Variants in AAK1 observed in about 807,000 individuals in gnomAD.
AAK1 encodes AP2 associated kinase 1.
Under a neutral mutation model 116.0 loss-of-function variants are expected in AAK1, and 37 were observed. That is an observed-to-expected ratio of 0.32 (90% CI 0.25 to 0.42). The LOEUF is 0.42. Among genes scored for constraint, AAK1 ranks in the 10% least tolerant of loss-of-function variants. AAK1 has a pLI of 1.00. For synonymous variants in AAK1, 458 were observed against 439.9 expected (o/e 1.04, Z -0.51); for missense variants, 919 against 1,170.6 (o/e 0.79, Z 3.14).
rs770061607 is a variant in AAK1 at position 69,643,073 on chromosome 2, G to A, written c.-33C>T. The A allele has an allele frequency of 4.7e-5, 68 of 1,461,930 alleles. No homozygotes were observed. Among genetic ancestry groups the A allele is most frequent in the South Asian group, 4.6e-4 (34 of 74,640 alleles). The allele number at this position is 1,461,930 out of a possible 1,614,324, so 90.6% of individuals were successfully genotyped here. ...ATAGGGAGCAGCAAAGCAAAATACCGATGGTTTCTAGATTTTTTTTTTTTT... is the reference window on the plus strand; with the variant it reads ...ATAGGGAGCAGCAAAGCAAAATACCAATGGTTTCTAGATTTTTTTTTTTTT... On this transcript the variant is annotated 5_prime_UTR_variant, in exon 2 of 22. Coordinates refer to ENST00000409085, the MANE Select transcript of AAK1 (RefSeq NM_014911.5).
In AAK1 at chr2:69,472,078, T is replaced by A. The variant is rs1674700985; in HGVS notation, c.*3791A>T. The stretch of plus-strand genomic sequence containing the variant: ...GTGTTTTAATACCCATATCTTTCAA[T>A]GTTTTAAACCATTCTAAAGACTAAG... On this transcript the variant is annotated 3_prime_UTR_variant, in exon 22 of 22. Transcript: ENST00000409085. 1.0e-6 allele frequency: 1 copy of A among 984,962 alleles called. No homozygotes were observed. The highest frequency in any genetic ancestry group is 1.7e-5 in the African/African-American group (1 of 57,228). The allele number at this position is 984,962 out of a possible 1,614,324, so 61.0% of individuals were successfully genotyped here. A position where few individuals can be genotyped will look rare whatever the true frequency, so the allele number is the denominator to read the frequency against.
intron 2 of AAK1, among the ~76,000 whole-genome samples, chr2:69,573,395 C>T (rs374836363): frequency 9.8e-5 from 15 of 152,292 alleles, no homozygotes; most frequent in African/African-American, 3.6e-4. Context: ...TGAAGAAGAA[C>T]AGGGAATCCC....
At chr2:69,568,915 A>C (rs1671985862) in intron 2 of AAK1, among the ~76,000 whole-genome samples, 1 of 152,160 alleles carries the variant, frequency 6.6e-6, no homozygotes, top group African/African-American at 2.4e-5. Context: ...AGGACTGGGC[A>C]CCAGCTCACA....
rs574443722 is a variant in AAK1 at position 69,567,722 on chromosome 2, C to G, written c.164-10744G>C. ...AAACCCTGCACTGCTCAGCCTGGCA[C>G]AACTGAGCAGTGTGAGACAGGACTG... On this transcript the variant is annotated intron_variant, in intron 2 of 21. Transcript: ENST00000409085. 9.9e-5 allele frequency among the ~76,000 whole-genome samples: 15 copies of G among 152,274 alleles called. No individual in the cohort carries two copies. In the South Asian group the frequency reaches 2.3e-3, roughly 23 times the overall value.
At chr2:69,635,491 C>T (rs1675405333) in intron 2 of AAK1, among the ~76,000 whole-genome samples, 1 of 152,324 alleles carries the variant, frequency 6.6e-6, no homozygotes, top group East Asian at 1.9e-4. Flanking sequence ...TTTGTACATC[C>T]ATGTTCATAA....
intron 2 of AAK1, among the ~76,000 whole-genome samples, chr2:69,566,415 G>A (rs1671870681): frequency 6.6e-6 from 1 of 151,974 alleles, no homozygotes; most frequent in Non-Finnish European, 1.5e-5. Context: ...ACATGTCAAA[G>A]CAGTCCTTTC....
At chr2:69,531,500 GA>G in intron 6 of AAK1, 2 of 848,500 alleles carry the variant, frequency 2.4e-6, no homozygotes, top group Non-Finnish European at 2.8e-6. Context: ...GACATGAGGA[GA>G]AAATGGGTCA....
Position 69,600,767 on chromosome 2 carries a change from A to C in AAK1, c.163+42111T>G, listed in dbSNP as rs1673540660. On this transcript the variant is annotated intron_variant, in intron 2 of 21. Coordinates refer to ENST00000409085, the MANE Select transcript of AAK1 (RefSeq NM_014911.5). ...AAGAAGCTACTGTGGGTAAAATGCTATCAAACAGGATCAAATACTCCAGAC... is the reference window on the plus strand; with the variant it reads ...AAGAAGCTACTGTGGGTAAAATGCTCTCAAACAGGATCAAATACTCCAGAC... Among the ~76,000 whole-genome samples, 3 of 152,326 alleles carry C rather than the reference A, an allele frequency of 2.0e-5. No homozygotes were observed. In the South Asian group the frequency reaches 6.2e-4, roughly 32 times the overall value.
At chr2:69,559,260 T>TCACACACA (rs1179622142) in intron 2 of AAK1, among the ~76,000 whole-genome samples, 2 of 117,028 alleles carry the variant, frequency 1.7e-5, no homozygotes, top group Non-Finnish European at 3.3e-5. Flanking sequence ...TCTCTCTCTC[T>TCACACACA]CTCACACACA....
chr2:69,467,022 G>A lies in AAK1; in HGVS notation c.*8847C>T, dbSNP rs1674509410. On this transcript the variant is annotated 3_prime_UTR_variant, in exon 22 of 22. Coordinates refer to ENST00000409085, the MANE Select transcript of AAK1 (RefSeq NM_014911.5). ...CCACATGCAGAGGGACAAACTCTCT[G>A]AAAAGAAGCAGAATGTGGCTGCTTG... 6 of 985,438 alleles carry A rather than the reference G, an allele frequency of 6.1e-6. No homozygotes were observed. The highest frequency in any genetic ancestry group is 7.2e-6 in the Non-Finnish European group (6 of 829,934). The allele number at this position is 985,438 out of a possible 1,614,324, so 61.0% of individuals were successfully genotyped here. A position where few individuals can be genotyped will look rare whatever the true frequency, so the allele number is the denominator to read the frequency against.
In AAK1 at chr2:69,469,460, T is replaced by C; in HGVS notation, c.*6409A>G. On this transcript the variant is annotated 3_prime_UTR_variant, in exon 22 of 22. Coordinates refer to ENST00000409085, the MANE Select transcript of AAK1 (RefSeq NM_014911.5). The stretch of plus-strand genomic sequence containing the variant: ...TTTCAGGGTGAACAGTTCCTTTATA[T>C]GAAGGTAGCATTGTGTCAACAAGAA... 2.0e-6 allele frequency: 2 copies of C among 985,516 alleles called. No individual in the cohort carries two copies. Among genetic ancestry groups the C allele is most frequent in the Non-Finnish European group, 2.4e-6 (2 of 829,948 alleles). 61.0% of individuals were successfully genotyped at this position (985,516 alleles called of 1,614,324 possible).
chr2:69,538,904 T>C (rs1181984836), intron 5 of AAK1, among the ~76,000 whole-genome samples: 1 of 151,860 alleles, frequency 6.6e-6, no homozygotes, highest in Non-Finnish European at 1.5e-5. Context: ...AAAACAAAGT[T>C]AATATAAAGG....
chr2:69,536,619 A>G (rs1455054647), intron 5 of AAK1, among the ~76,000 whole-genome samples: 1 of 152,126 alleles, frequency 6.6e-6, no homozygotes, highest in Non-Finnish European at 1.5e-5. Context: ...GAACCTTTCC[A>G]TTCTTTGAGA....
Position 69,643,020 on chromosome 2 carries a change from G to A in AAK1, c.21C>T (p.Ser7=). 6.2e-7 allele frequency: 1 copy of A among 1,608,440 alleles called. No individual in the cohort carries two copies. The highest frequency in any genetic ancestry group is 1.1e-5 in the South Asian group (1 of 90,276). The change falls in exon 2 of 22, where the codon TCC becomes TCT. Residue 7 remains serine (S), a synonymous_variant. Transcript: ENST00000409085. MKKFFD[S]RREQGGSGLG... is the part of the protein sequence containing the mutation. Reference sequence around the variant, plus strand: ...GGCCAGAGCCGCCCTGCTCTCGCCGGGAGTCGAAAAACTTCTTCATCTTGC... The same window carrying A: ...GGCCAGAGCCGCCCTGCTCTCGCCGAGAGTCGAAAAACTTCTTCATCTTGC...
intron 2 of AAK1, among the ~76,000 whole-genome samples, chr2:69,617,348 G>GGA (rs2105229487): frequency 6.6e-6 from 1 of 152,330 alleles, no homozygotes; most frequent in East Asian, 1.9e-4. Flanking sequence ...AAGCTTGAGA[G>GGA]GAGAAATGGA....
chr2:69,524,940 T>G (rs769348068), intron 10 of AAK1, 93 bp downstream of exon 10: 56 of 1,259,006 alleles, frequency 4.4e-5, no homozygotes, highest in Non-Finnish European at 6.1e-5. Flanking sequence ...CCCCTGGTCA[T>G]GACAGCATAC....
At chr2:69,505,277 G>GT (rs1263340471) in intron 16 of AAK1, among the ~76,000 whole-genome samples, 1 of 152,082 alleles carries the variant, frequency 6.6e-6, no homozygotes, top group African/African-American at 2.4e-5. Flanking sequence ...AGAAATATTT[G>GT]TTTAAGACGT....
chr2:69,566,523 C>T (rs978813170), intron 2 of AAK1, among the ~76,000 whole-genome samples: 21 of 152,184 alleles, frequency 1.4e-4, no homozygotes, highest in East Asian at 3.9e-4. Flanking sequence ...GACTGGCAAA[C>T]GGTGGTGGTT....
Position 69,460,365 on chromosome 2 carries a change from G to C in AAK1, c.*15504C>G, listed in dbSNP as rs553876991. 14 of 152,546 alleles carry C rather than the reference G, an allele frequency of 9.2e-5. No individual in the cohort carries two copies. Among genetic ancestry groups the C allele is most frequent in the African/African-American group, 3.4e-4 (14 of 41,500 alleles). 9.4% of individuals were successfully genotyped at this position (152,546 alleles called of 1,614,324 possible). ...ATATATTATATCTGATATATGTTTT[G>C]ATTATTTTTCTTTATGGAAGCAAAT... On this transcript the variant is annotated 3_prime_UTR_variant, in exon 22 of 22. Coordinates refer to ENST00000409085, the MANE Select transcript of AAK1 (RefSeq NM_014911.5).
Sources: gnomAD v4.1 joint callset for allele counts (sites outside exome capture counted in the v4.1 genomes callset) on GRCh38, gnomAD v4.1.1 for gene constraint, MANE v1.5 for transcripts, NCBI Gene and HGNC (gene_info 2026-07-23, HGNC 2026-07-21) for gene names.